Variants in CEP192 observed in about 807,000 individuals in gnomAD.
The protein encoded by CEP192 is centrosomal protein of 192 kDa.
In CEP192, 151 loss-of-function variants were observed where a neutral mutation model predicts 271.8. The ratio of observed to expected loss-of-function variants is 0.56; its 90% CI spans 0.49 to 0.64. The LOEUF is 0.64. CEP192 is among the 30% of genes least tolerant of loss of function. CEP192 has a pLI of 0.00. For missense variants in CEP192, 2,910 were observed against 3,020.5 expected, an observed-to-expected ratio of 0.96 and a Z score of 0.86; for synonymous variants, 995 against 1,076.5, an observed-to-expected ratio of 0.92 and a Z score of 1.48.
intron 5 of CEP192, among the ~76,000 whole-genome samples, chr18:13,013,356 T>C (rs960960955): frequency 2.0e-5 from 3 of 152,186 alleles, no homozygotes; most frequent in African/African-American, 7.2e-5. Context: ...TGTGTTTCAT[T>C]GTATCCTGAG....
chr18:13,061,485 A>C (rs1045127242), intron 21 of CEP192, among the ~76,000 whole-genome samples: 3 of 152,254 alleles, frequency 2.0e-5, no homozygotes, highest in African/African-American at 7.2e-5. Flanking sequence ...GGGAATGCTT[A>C]GTAACCTAGC....
intron 17 of CEP192, among the ~76,000 whole-genome samples, chr18:13,050,392 T>G (rs2036715546): frequency 6.6e-6 from 1 of 152,176 alleles, no homozygotes. Flanking sequence ...CAAAGATACC[T>G]ATTAACTATT....
intron 33 of CEP192, among the ~76,000 whole-genome samples, chr18:13,091,930 T>G (rs1380146606): frequency 1.3e-5 from 2 of 152,224 alleles, no homozygotes; most frequent in African/African-American, 4.8e-5. Context: ...TAATAGTACC[T>G]ATCTCAAAGA....
chr18:13,098,696 C>G (rs1034200373), intron 36 of CEP192, among the ~76,000 whole-genome samples: 1 of 149,088 alleles, frequency 6.7e-6, no homozygotes, highest in Admixed American at 6.7e-5. Flanking sequence ...ACTTTCCAGA[C>G]TGGGCAGCCA....
intron 11 of CEP192, among the ~76,000 whole-genome samples, chr18:13,033,272 T>G (rs1358584068): frequency 6.6e-6 from 1 of 152,118 alleles, no homozygotes; most frequent in Non-Finnish European, 1.5e-5. Flanking sequence ...TACCCCAAAA[T>G]TGGAAACAAT....
Position 13,114,212 on chromosome 18 carries a change from G to T in CEP192, c.7250G>T (p.Arg2417Leu). 1 of 1,613,826 alleles carries T rather than the reference G, an allele frequency of 6.2e-7. No homozygotes were observed. The highest frequency in any genetic ancestry group is 8.5e-7 in the Non-Finnish European group (1 of 1,179,956). ...AAAATAGATCATTTAGTTAAGCCCC[G>T]AAGACAAGCTGTGTCAGAGGCTTCT... Reference protein sequence around the residue: ...LIKIDHLVKPRRQAVSEASAR... With the variant: ...LIKIDHLVKPLRQAVSEASAR... The change falls in exon 42 of 45, where the codon CGA becomes CTA. Residue 2417 changes from arginine to leucine, a missense_variant. Physicochemically the swap from Arg to Leu is moderately radical, Grantham distance 102. Coordinates refer to ENST00000506447, the MANE Select transcript of CEP192 (RefSeq NM_032142.4).
chr18:13,116,398 T>C lies in CEP192; in HGVS notation c.7311T>C (p.Arg2437=). ...GCAGGCAGCTTGATGTGACTGCTCG[T>C]GGAGTTTATGCCCCAGAGGATGTGT... ...RIPEQLDVTA[R]GVYAPEDVYR... is the part of the protein sequence containing the mutation. Residue 2437 remains arginine (R), a synonymous_variant, in exon 43 of 45, where the codon CGT becomes CGC. Transcript: ENST00000506447. 6.2e-7 allele frequency: 1 copy of C among 1,612,508 alleles called. No individual in the cohort carries two copies. The highest frequency in any genetic ancestry group is 1.3e-5 in the African/African-American group (1 of 74,892).
chr18:13,055,434 C>T (rs2037040853), intron 18 of CEP192, among the ~76,000 whole-genome samples: 1 of 152,142 alleles, frequency 6.6e-6, no homozygotes, highest in Non-Finnish European at 1.5e-5. Context: ...TCCTTCGTTA[C>T]TAATTTATTT....
intron 13 of CEP192, among the ~76,000 whole-genome samples, chr18:13,039,666 T>C (rs1478219713): frequency 2.0e-5 from 3 of 151,900 alleles, no homozygotes; most frequent in Non-Finnish European, 2.9e-5. Flanking sequence ...GGCCAAATCA[T>C]GAGGGCTCCT....
In CEP192 at chr18:13,056,080, C is replaced by G; in HGVS notation, c.3490C>G (p.Pro1164Ala). 1 of 1,613,770 alleles carries G rather than the reference C, an allele frequency of 6.2e-7. No homozygotes were observed. Among genetic ancestry groups the G allele is most frequent in the South Asian group, 1.1e-5 (1 of 91,012 alleles). The change falls in exon 19 of 45, where the codon CCG becomes GCG. Residue 1164 changes from proline to alanine, a missense_variant. Coordinates refer to ENST00000506447, the MANE Select transcript of CEP192 (RefSeq NM_032142.4). The part of the protein sequence containing the change: ...GWTSNPEELD[P>A]IRLALLGKSG... Reference sequence around the variant, plus strand: ...GACATCAAACCCTGAGGAATTGGACCCGATCAGGCTGGCTCTCCTGGGCAA... The same window carrying G: ...GACATCAAACCCTGAGGAATTGGACGCGATCAGGCTGGCTCTCCTGGGCAA...
At chr18:13,016,181 A>T (rs1035452760) in intron 6 of CEP192, among the ~76,000 whole-genome samples, 1 of 152,144 alleles carries the variant, frequency 6.6e-6, no homozygotes, top group South Asian at 2.1e-4. Context: ...GGGGGTGAGA[A>T]ATTAACTCTG....
At chr18:13,006,149 C>CTTTTT (rs969783162) in intron 3 of CEP192, among the ~76,000 whole-genome samples, 1 of 151,256 alleles carries the variant, frequency 6.6e-6, no homozygotes, top group African/African-American at 2.4e-5. Context: ...TCTATATCTA[C>CTTTTT]TTTTTTTTTC....
rs1158538495 is a variant in CEP192, at chr18:13,114,214, A to C, written c.7252A>C (p.Arg2418=). 1 of 1,614,038 alleles carries C rather than the reference A, an allele frequency of 6.2e-7. No homozygotes were observed. Among genetic ancestry groups the C allele is most frequent in the East Asian group, 2.2e-5 (1 of 44,882 alleles). Residue 2418 remains arginine, a synonymous_variant, in exon 42 of 45, where the codon AGA becomes CGA. Transcript: ENST00000506447. ...AATAGATCATTTAGTTAAGCCCCGA[A>C]GACAAGCTGTGTCAGAGGCTTCTGC... is the stretch of plus-strand genomic sequence containing the variant. ...IKIDHLVKPR[R]QAVSEASARI...
intron 7 of CEP192, among the ~76,000 whole-genome samples, chr18:13,018,001 A>T (rs1214035457): frequency 6.6e-6 from 1 of 152,146 alleles, no homozygotes; most frequent in Admixed American, 6.6e-5. Flanking sequence ...AATAACCATA[A>T]TCTGTTTTCT....
chr18:13,033,710 C>T (rs2035758204), intron 11 of CEP192, among the ~76,000 whole-genome samples: 2 of 152,150 alleles, frequency 1.3e-5, no homozygotes. Flanking sequence ...CAAGGAGGTA[C>T]CCTGTGGCTA....
intron 4 of CEP192, among the ~76,000 whole-genome samples, chr18:13,012,433 T>C (rs2034416197): frequency 6.6e-6 from 1 of 152,238 alleles, no homozygotes; most frequent in African/African-American, 2.4e-5. Flanking sequence ...TATTTCAGTA[T>C]GCATCTCCAA....
intron 30 of CEP192, among the ~76,000 whole-genome samples, chr18:13,085,321 G>A (rs1338353585): frequency 6.6e-6 from 1 of 152,010 alleles, no homozygotes; most frequent in African/African-American, 2.4e-5. Context: ...TGGATAGATA[G>A]CAAAAATGTT....
chr18:13,040,807 A>C, intron 13 of CEP192, 23 bp from the exon 14 acceptor site: 1 of 1,553,420 alleles, frequency 6.4e-7, no homozygotes, highest in South Asian at 1.2e-5. Flanking sequence ...CAAAGAAATA[A>C]TTTACCTTTA....
chr18:13,080,047 T>C (rs1487301961), intron 30 of CEP192, among the ~76,000 whole-genome samples: 1 of 152,200 alleles, frequency 6.6e-6, no homozygotes, highest in Non-Finnish European at 1.5e-5. Context: ...AGGCTTGTAG[T>C]ATAGTTTGAA....
Sources: gnomAD v4.1 joint callset for allele counts (sites outside exome capture counted in the v4.1 genomes callset) on GRCh38, gnomAD v4.1.1 for gene constraint, MANE v1.5 for transcripts, NCBI Gene and HGNC (gene_info 2026-07-23, HGNC 2026-07-21) for gene names.